Variants in VWC2 observed in about 807,000 individuals in gnomAD.
The protein encoded by VWC2 is brorin.
Under a neutral mutation model 29.8 loss-of-function variants are expected in VWC2, and 14 were observed. The observed-to-expected ratio is 0.47, with a 90% confidence interval of 0.31 to 0.74. VWC2 has a LOEUF of 0.74. Among genes scored for constraint, VWC2 ranks in the 30% least tolerant of loss-of-function variants. The probability of loss-of-function intolerance (pLI) is 0.05; values close to 1 mark genes in which losing one functional copy is unlikely to be tolerated. For synonymous variants in VWC2, 213 were observed against 199.0 expected (o/e 1.07, Z -0.59); for missense variants, 457 against 459.8 (o/e 0.99, Z 0.05).
At chr7:49,888,740 G>A (rs1356006415) in intron 3 of VWC2, among the ~76,000 whole-genome samples, 1 of 151,986 alleles carries the variant, frequency 6.6e-6, no homozygotes, top group Non-Finnish European at 1.5e-5. Context: ...GTAAAACCCC[G>A]TTTCTACTAA....
At chr7:49,855,167 A>G (rs1224903412) in intron 3 of VWC2, among the ~76,000 whole-genome samples, 5 of 152,232 alleles carry the variant, frequency 3.3e-5, no homozygotes, top group Admixed American at 6.5e-5. Context: ...AGTTAATGCA[A>G]TTATCATATT....
At chr7:49,862,450 A>T (rs1790691494) in intron 3 of VWC2, among the ~76,000 whole-genome samples, 1 of 152,138 alleles carries the variant, frequency 6.6e-6, no homozygotes. Flanking sequence ...TCCAATTTGG[A>T]TGCTTTTATT....
intron 3 of VWC2, among the ~76,000 whole-genome samples, chr7:49,836,082 G>T (rs1789650396): frequency 6.6e-6 from 1 of 152,162 alleles, no homozygotes; most frequent in Non-Finnish European, 1.5e-5. Flanking sequence ...TTTTCATTCT[G>T]AGTTCAGATA....
At chr7:49,814,167 A>G (rs1789077638) in intron 3 of VWC2, among the ~76,000 whole-genome samples, 1 of 152,210 alleles carries the variant, frequency 6.6e-6, no homozygotes. Flanking sequence ...ATCTGCATAA[A>G]GCCCAATGGG....
At position 49,917,530 on chromosome 7, in the gene VWC2, T is replaced by C. The variant is rs909669764; in HGVS notation, c.*5345T>C. 9 of 152,196 alleles carry C rather than the reference T, an allele frequency of 5.9e-5. No homozygotes were observed. Among genetic ancestry groups the C allele is most frequent in the African/African-American group, 2.2e-4 (9 of 41,458 alleles). 9.4% of individuals were successfully genotyped at this position (152,196 alleles called of 1,614,324 possible). A position where few individuals can be genotyped will look rare whatever the true frequency, so the allele number is the denominator to read the frequency against. ...TACATAAAACCTCTGGCTGACCTAT[T>C]ATATAGGCACAGAATTATCAAAAGC... is the stretch of plus-strand genomic sequence containing the variant. On this transcript the variant is annotated 3_prime_UTR_variant, in exon 4 of 4. Coordinates refer to ENST00000340652, the MANE Select transcript of VWC2 (RefSeq NM_198570.5).
intron 2 of VWC2, among the ~76,000 whole-genome samples, chr7:49,799,159 A>C (rs181011875): frequency 3.9e-5 from 6 of 152,322 alleles, no homozygotes; most frequent in Admixed American, 3.9e-4. Flanking sequence ...ATCAGGGCCC[A>C]ACACTGGCAA....
intron 2 of VWC2, among the ~76,000 whole-genome samples, chr7:49,788,870 G>GT (rs141456725): frequency 4.5e-4 from 51 of 114,196 alleles, no homozygotes; most frequent in Non-Finnish European, 4.4e-4. Flanking sequence ...GCGTGTGTGT[G>GT]GGGGGTGTGA....
At chr7:49,835,520 A>C (rs988795452) in intron 3 of VWC2, among the ~76,000 whole-genome samples, 1 of 152,218 alleles carries the variant, frequency 6.6e-6, no homozygotes, top group African/African-American at 2.4e-5. Flanking sequence ...AGTAAGGGAG[A>C]CAATCCAGTA....
intron 3 of VWC2, among the ~76,000 whole-genome samples, chr7:49,870,956 A>G (rs1246404999): frequency 1.3e-5 from 2 of 152,230 alleles, no homozygotes; most frequent in Non-Finnish European, 2.9e-5. Context: ...CTCTCTTAGA[A>G]GAAGACCCCT....
chr7:49,813,547 T>C (rs1789061620), intron 3 of VWC2, among the ~76,000 whole-genome samples: 1 of 152,200 alleles, frequency 6.6e-6, no homozygotes, highest in Admixed American at 6.5e-5. Flanking sequence ...TTCCTGCCAG[T>C]CAAATTTACT....
intron 3 of VWC2, among the ~76,000 whole-genome samples, chr7:49,857,736 T>C (rs1790482702): frequency 1.3e-5 from 2 of 152,156 alleles, no homozygotes; most frequent in South Asian, 2.1e-4. Context: ...AAAAACAGTA[T>C]GGAGATTTCT....
intron 3 of VWC2, among the ~76,000 whole-genome samples, chr7:49,868,571 T>C (rs1791006939): frequency 6.6e-6 from 1 of 152,246 alleles, no homozygotes; most frequent in Non-Finnish European, 1.5e-5. Context: ...GTTTAACTTT[T>C]CTAAGCATTA....
At chr7:49,879,459 T>C (rs1205406499) in intron 3 of VWC2, among the ~76,000 whole-genome samples, 1 of 152,198 alleles carries the variant, frequency 6.6e-6, no homozygotes, top group Admixed American at 6.5e-5. Flanking sequence ...CAGCATGCCA[T>C]GTAATACAAC....
chr7:49,792,398 G>A (rs1376753584), intron 2 of VWC2, among the ~76,000 whole-genome samples: 1 of 152,194 alleles, frequency 6.6e-6, no homozygotes, highest in Non-Finnish European at 1.5e-5. Flanking sequence ...CTCCCGCTGT[G>A]TGCATTTACG....
intron 3 of VWC2, among the ~76,000 whole-genome samples, chr7:49,841,844 C>T (rs1448523765): frequency 1.3e-5 from 2 of 152,000 alleles, no homozygotes; most frequent in Admixed American, 1.3e-4. Context: ...AAAATAACTC[C>T]TAGGAGGAGA....
intron 3 of VWC2, among the ~76,000 whole-genome samples, chr7:49,905,016 G>C (rs1253607460): frequency 6.6e-6 from 1 of 152,098 alleles, no homozygotes; most frequent in Non-Finnish European, 1.5e-5. Context: ...TTAGAGGTGT[G>C]AGCCATCGTG....
intron 3 of VWC2, among the ~76,000 whole-genome samples, chr7:49,877,481 A>AAAATATACATATATAT: frequency 5.5e-4 from 7 of 12,728 alleles, no homozygotes; most frequent in African/African-American, 1.9e-3. Flanking sequence ...AAAAAAAAAA[A>AAAATATACATATATAT]ATATATATAT....
intron 3 of VWC2, among the ~76,000 whole-genome samples, chr7:49,865,942 T>C (rs1159875896): frequency 1.3e-5 from 2 of 152,228 alleles, no homozygotes; most frequent in African/African-American, 4.8e-5. Flanking sequence ...GTTGAGAAAG[T>C]CTACTCGGCA....
intron 3 of VWC2, among the ~76,000 whole-genome samples, chr7:49,868,141 A>G (rs1790991378): frequency 6.6e-6 from 1 of 152,040 alleles, no homozygotes; most frequent in Non-Finnish European, 1.5e-5. Flanking sequence ...TCCAAGGAAA[A>G]TTACATTATA....
Sources: allele counts gnomAD v4.1 joint callset (sites outside exome capture counted in the v4.1 genomes callset), GRCh38; gene constraint gnomAD v4.1.1; transcripts MANE v1.5; gene names NCBI Gene and HGNC (gene_info 2026-07-23, HGNC 2026-07-21).